HS3ST4: variants seen among roughly 807,000 people sequenced by gnomAD.
The protein encoded by HS3ST4 is heparan sulfate glucosamine 3-O-sulfotransferase 4.
A neutral mutation model predicts 29.2 loss-of-function variants in HS3ST4; 17 were observed. That is an observed-to-expected ratio of 0.58 (90% CI 0.40 to 0.87). The LOEUF (loss-of-function observed/expected upper bound fraction) is 0.87. HS3ST4 is among the 40% of genes least tolerant of loss of function. The pLI is 0.00. For synonymous variants in HS3ST4, 314 were observed against 285.7 expected (o/e 1.10, Z -1.00); for missense variants, 627 against 634.5 (o/e 0.99, Z 0.13).
chr16:25,750,099 A>G (rs893822339), intron 1 of HS3ST4, among the ~76,000 whole-genome samples: 1 of 152,204 alleles, frequency 6.6e-6, no homozygotes, highest in Non-Finnish European at 1.5e-5. Context: ...AATGGTTGCT[A>G]CTGAAATCCT....
At chr16:25,907,566 GGC>G (rs1567269768) in intron 1 of HS3ST4, among the ~76,000 whole-genome samples, 1 of 152,172 alleles carries the variant, frequency 6.6e-6, no homozygotes, top group African/African-American at 2.4e-5. Context: ...CGCCTGCCAT[GGC>G]TGGACAGCTC....
chr16:25,911,018 G>A (rs1443602829), intron 1 of HS3ST4, among the ~76,000 whole-genome samples: 1 of 152,150 alleles, frequency 6.6e-6, no homozygotes, highest in Non-Finnish European at 1.5e-5. Context: ...GTAACTTAAT[G>A]TCTGGTAATA....
chr16:25,766,841 GA>G (rs1762661667), intron 1 of HS3ST4, among the ~76,000 whole-genome samples: 1 of 152,154 alleles, frequency 6.6e-6, no homozygotes, highest in Non-Finnish European at 1.5e-5. Context: ...TGTGAAGTAA[GA>G]GGGTCCTGTC....
intron 1 of HS3ST4, among the ~76,000 whole-genome samples, chr16:25,743,174 G>A (rs936549298): frequency 2.6e-5 from 4 of 152,158 alleles, no homozygotes; most frequent in African/African-American, 9.7e-5. Flanking sequence ...GTAGCCTCCT[G>A]GTGATGACTG....
intron 1 of HS3ST4, among the ~76,000 whole-genome samples, chr16:26,009,959 T>C (rs1969295693): frequency 6.6e-6 from 1 of 152,186 alleles, no homozygotes. Flanking sequence ...TAAGTTTTCC[T>C]AGCAACACGG....
intron 1 of HS3ST4, among the ~76,000 whole-genome samples, chr16:25,777,211 A>G (rs971726271): frequency 1.3e-5 from 2 of 152,236 alleles, no homozygotes; most frequent in Non-Finnish European, 2.9e-5. Flanking sequence ...CCACCTTAGA[A>G]TTAACATTGC....
chr16:26,047,720 T>A (rs1370759734), intron 1 of HS3ST4, among the ~76,000 whole-genome samples: 1 of 152,218 alleles, frequency 6.6e-6, no homozygotes. Context: ...TAATTCCTTG[T>A]ACTTAATTCA....
At chr16:25,937,321 C>G (rs920537291) in intron 1 of HS3ST4, among the ~76,000 whole-genome samples, 6 of 152,120 alleles carry the variant, frequency 3.9e-5, no homozygotes, top group Non-Finnish European at 7.4e-5. Context: ...CAGTTGAACC[C>G]TAGACCAAGT....
intron 1 of HS3ST4, among the ~76,000 whole-genome samples, chr16:26,068,750 G>A (rs543498733): frequency 2.0e-5 from 3 of 152,050 alleles, no homozygotes; most frequent in South Asian, 4.2e-4. Context: ...TCTAACATAC[G>A]AGATGTATTT....
At chr16:25,796,222 C>T (rs1966885168) in intron 1 of HS3ST4, among the ~76,000 whole-genome samples, 1 of 152,170 alleles carries the variant, frequency 6.6e-6, no homozygotes, top group Admixed American at 6.5e-5. Context: ...TAACCTGTCG[C>T]AGTCATTGAT....
chr16:25,809,568 G>A (rs1967021424), intron 1 of HS3ST4, among the ~76,000 whole-genome samples: 1 of 152,158 alleles, frequency 6.6e-6, no homozygotes, highest in South Asian at 2.1e-4. Context: ...GGAAGAGACT[G>A]TGTCCAATTG....
intron 1 of HS3ST4, among the ~76,000 whole-genome samples, chr16:25,725,139 G>A (rs183991321): frequency 2.0e-5 from 3 of 150,456 alleles, no homozygotes; most frequent in Non-Finnish European, 2.9e-5. Flanking sequence ...TTTTTCATAG[G>A]CACCCTTTTC....
intron 1 of HS3ST4, among the ~76,000 whole-genome samples, chr16:25,906,513 G>A (rs1233834462): frequency 6.6e-6 from 1 of 152,058 alleles, no homozygotes; most frequent in Non-Finnish European, 1.5e-5. Flanking sequence ...GAAAGTCCCT[G>A]CCCTCAAAAA....
At chr16:25,920,605 C>CTA (rs1478469976) in intron 1 of HS3ST4, among the ~76,000 whole-genome samples, 1 of 150,052 alleles carries the variant, frequency 6.7e-6, no homozygotes, top group African/African-American at 2.5e-5. Context: ...CGCCCCCACC[C>CTA]CTCTTTTTTT....
chr16:25,804,420 G>A (rs561904924), intron 1 of HS3ST4, among the ~76,000 whole-genome samples: 20 of 152,080 alleles, frequency 1.3e-4, no homozygotes, highest in African/African-American at 3.1e-4. Flanking sequence ...GTCATTCTTC[G>A]TTTCCTTGAA....
At chr16:25,853,031 A>G (rs75625584) in intron 1 of HS3ST4, among the ~76,000 whole-genome samples, 45,305 of 151,992 alleles carry the variant, frequency 0.3, 7,249 homozygotes, top group Admixed American at 0.36. Context: ...TCTTGCCTCA[A>G]CACTTGTAAA....
chr16:26,084,039 C>T (rs1338535703), intron 1 of HS3ST4, among the ~76,000 whole-genome samples: 2 of 152,132 alleles, frequency 1.3e-5, no homozygotes, highest in Non-Finnish European at 2.9e-5. Flanking sequence ...GCAAGAATCT[C>T]GTGGTGAGAT....
At chr16:25,719,017 C>G (rs1275224302) in intron 1 of HS3ST4, among the ~76,000 whole-genome samples, 3 of 152,112 alleles carry the variant, frequency 2.0e-5, no homozygotes, top group African/African-American at 7.2e-5. Flanking sequence ...GAGTGATCAA[C>G]CATGTTGGAT....
intron 1 of HS3ST4, among the ~76,000 whole-genome samples, chr16:25,948,902 A>G (rs1028178238): frequency 2.0e-5 from 3 of 152,184 alleles, no homozygotes; most frequent in African/African-American, 7.2e-5. Context: ...AGCAAGACTT[A>G]ATATCTTGCC....
Sources: allele counts gnomAD v4.1 joint callset (sites outside exome capture counted in the v4.1 genomes callset), GRCh38; gene constraint gnomAD v4.1.1; transcripts MANE v1.5; gene names NCBI Gene and HGNC (gene_info 2026-07-23, HGNC 2026-07-21).